The following SH3GL2 variants were observed in gnomAD, a reference collection of about 807,000 sequenced individuals.
SH3GL2 encodes endophilin-A1.
Under a neutral mutation model 46.0 loss-of-function variants are expected in SH3GL2, and 24 were observed. That is an observed-to-expected ratio of 0.52 (90% CI 0.38 to 0.73). The LOEUF (loss-of-function observed/expected upper bound fraction) is 0.73. Ranked by LOEUF, SH3GL2 falls within the 30% of genes least tolerant of loss-of-function variation. The pLI, the probability that SH3GL2 is intolerant of heterozygous loss-of-function variation, is 0.00. For synonymous variants in SH3GL2, 196 were observed against 147.1 expected, an observed-to-expected ratio of 1.33 and a Z score of -2.40; for missense variants, 413 against 424.2, an observed-to-expected ratio of 0.97 and a Z score of 0.23.
intron 1 of SH3GL2, among the ~76,000 whole-genome samples, chr9:17,644,706 A>AT (rs373704280): frequency 3.3e-5 from 5 of 152,004 alleles, no homozygotes; most frequent in East Asian, 1.9e-4. Flanking sequence ...TATGATTTCC[A>AT]TTTTTTTGCA....
At chr9:17,621,731 C>T (rs1038352833) in intron 1 of SH3GL2, among the ~76,000 whole-genome samples, 2 of 152,180 alleles carry the variant, frequency 1.3e-5, no homozygotes, top group Non-Finnish European at 2.9e-5. Context: ...TGCACATTAC[C>T]TGCCTTCATG....
At chr9:17,777,755 C>A (rs1588327137) in intron 3 of SH3GL2, among the ~76,000 whole-genome samples, 1 of 152,100 alleles carries the variant, frequency 6.6e-6, no homozygotes, top group African/African-American at 2.4e-5. Flanking sequence ...TGGATTAGGA[C>A]TTTGACCTCC....
intron 1 of SH3GL2, among the ~76,000 whole-genome samples, chr9:17,657,936 T>C (rs16935848): frequency 0.024 from 3,635 of 152,274 alleles, 152 homozygotes; most frequent in African/African-American, 0.084. Context: ...CCCTGGACAT[T>C]AAGATTCCAT....
intron 1 of SH3GL2, among the ~76,000 whole-genome samples, chr9:17,693,194 A>T (rs916318390): frequency 1.3e-5 from 2 of 152,166 alleles, no homozygotes; most frequent in African/African-American, 4.8e-5. Context: ...TTGGAAATTT[A>T]CTGAGTGTCT....
chr9:17,648,378 A>G (rs922122302), intron 1 of SH3GL2, among the ~76,000 whole-genome samples: 1 of 152,204 alleles, frequency 6.6e-6, no homozygotes, highest in African/African-American at 2.4e-5. Context: ...ACACAAAGGT[A>G]CATAGGAAGA....
chr9:17,681,578 A>G (rs76642296), intron 1 of SH3GL2, among the ~76,000 whole-genome samples: 198 of 152,248 alleles, frequency 1.3e-3, no homozygotes, highest in African/African-American at 4.5e-3. Context: ...ACTTAAATGT[A>G]AAACCCCAAA....
At position 17,761,502 on chromosome 9, in the gene SH3GL2, C is replaced by T; in HGVS notation, c.180C>T (p.Pro60=). The change falls in exon 3 of 9, where the codon CCC becomes CCT. Residue 60 remains proline, a synonymous_variant. Transcript: ENST00000380607. The stretch of plus-strand genomic sequence containing the variant: ...CTAAAACAATTGAATACCTTCAACC[C>T]AATCCAGGTAAGGCATCATCTTATA... ...IMTKTIEYLQ[P]NPASRAKLSM... The T allele has an allele frequency of 3.8e-6, 6 of 1,579,398 alleles. No individual in the cohort carries two copies. The highest frequency in any genetic ancestry group is 5.2e-6 in the Non-Finnish European group (6 of 1,148,266).
At chr9:17,760,687 A>G (rs1286871436) in intron 2 of SH3GL2, among the ~76,000 whole-genome samples, 1 of 152,160 alleles carries the variant, frequency 6.6e-6, no homozygotes, top group Non-Finnish European at 1.5e-5. Flanking sequence ...AGGAGGATGC[A>G]TTTATTCTCA....
At chr9:17,745,226 C>G (rs1355833383) in intron 1 of SH3GL2, among the ~76,000 whole-genome samples, 2 of 152,130 alleles carry the variant, frequency 1.3e-5, no homozygotes. Flanking sequence ...TAACCTTTCA[C>G]TTTGAATCAT....
At chr9:17,625,825 T>C (rs969739925) in intron 1 of SH3GL2, among the ~76,000 whole-genome samples, 1 of 152,160 alleles carries the variant, frequency 6.6e-6, no homozygotes, top group Admixed American at 6.5e-5. Context: ...GGGGGTATCG[T>C]TTTTCAGTGT....
chr9:17,723,330 G>C (rs144173932), intron 1 of SH3GL2, among the ~76,000 whole-genome samples: 17 of 152,076 alleles, frequency 1.1e-4, no homozygotes, highest in African/African-American at 3.9e-4. Flanking sequence ...AAGTTCTCTG[G>C]TTGTTTTATG....
At chr9:17,620,121 A>G (rs1423448023) in intron 1 of SH3GL2, among the ~76,000 whole-genome samples, 1 of 152,204 alleles carries the variant, frequency 6.6e-6, no homozygotes, top group Non-Finnish European at 1.5e-5. Flanking sequence ...TTTTATTTTC[A>G]GATTAACCCA....
Position 17,579,229 on chromosome 9 carries a change from C to A in SH3GL2, c.-14C>A, listed in dbSNP as rs767972151. On this transcript the variant is annotated 5_prime_UTR_variant, in exon 1 of 9. Transcript: ENST00000380607. ...CCCTCCCGCACAGCAGCCGCCAGCG[C>A]GGCCTCCTGCACCATGTCGGTGGCC... The A allele has an allele frequency of 6.5e-5, 101 of 1,545,644 alleles. No individual in the cohort carries two copies. The highest frequency in any genetic ancestry group is 3.0e-4 in the Admixed American group (16 of 52,706).
intron 1 of SH3GL2, among the ~76,000 whole-genome samples, chr9:17,701,872 C>T (rs948814547): frequency 4.6e-5 from 7 of 151,966 alleles, no homozygotes; most frequent in African/African-American, 1.2e-4. Flanking sequence ...ATAAAGGAGT[C>T]AGCTTTCTCT....
chr9:17,689,473 A>G (rs902228235), intron 1 of SH3GL2, among the ~76,000 whole-genome samples: 1 of 152,090 alleles, frequency 6.6e-6, no homozygotes, highest in Non-Finnish European at 1.5e-5. Flanking sequence ...CAGTGCTAAT[A>G]AGAGGGGACA....
At chr9:17,674,660 G>T (rs1157623866) in intron 1 of SH3GL2, among the ~76,000 whole-genome samples, 5 of 152,180 alleles carry the variant, frequency 3.3e-5, no homozygotes, top group African/African-American at 9.6e-5. Context: ...CTTTTTAGGG[G>T]TCACTCATGG....
intron 1 of SH3GL2, among the ~76,000 whole-genome samples, chr9:17,730,026 C>T (rs1362183728): frequency 1.3e-5 from 2 of 152,098 alleles, no homozygotes; most frequent in African/African-American, 4.8e-5. Context: ...ATGGGAATAG[C>T]ACTGAATCTG....
chr9:17,768,968 T>G (rs1282974456), intron 3 of SH3GL2, among the ~76,000 whole-genome samples: 1 of 152,202 alleles, frequency 6.6e-6, no homozygotes, highest in African/African-American at 2.4e-5. Flanking sequence ...TCCATCTCGC[T>G]CCTTCTGAGC....
chr9:17,765,588 T>C (rs1054114564), intron 3 of SH3GL2, among the ~76,000 whole-genome samples: 5 of 152,204 alleles, frequency 3.3e-5, no homozygotes, highest in African/African-American at 1.2e-4. Context: ...ACTTTCATTT[T>C]TAACATGGCT....
Sources: allele counts gnomAD v4.1 joint callset (sites outside exome capture counted in the v4.1 genomes callset), GRCh38; gene constraint gnomAD v4.1.1; transcripts MANE v1.5; gene names NCBI Gene and HGNC (gene_info 2026-07-23, HGNC 2026-07-21).